TRANK1: variants seen among roughly 807,000 people sequenced by gnomAD.
The protein encoded by TRANK1 is TPR and ankyrin repeat-containing protein 1.
Under a neutral mutation model 266.0 loss-of-function variants are expected in TRANK1, and 198 were observed. The observed-to-expected ratio is 0.74, with a 90% confidence interval of 0.66 to 0.84. The LOEUF is 0.84. TRANK1 is among the 40% of genes least tolerant of loss of function. The probability of loss-of-function intolerance (pLI) is 0.00; values close to 1 mark genes in which losing one functional copy is unlikely to be tolerated. For synonymous variants in TRANK1, 1,396 were observed against 1,384.1 expected (o/e 1.01, Z -0.19); for missense variants, 3,326 against 3,634.6 (o/e 0.92, Z 2.18).
chr3:36,900,098 A>G lies in TRANK1; in HGVS notation c.283-839T>C, dbSNP rs552669653. Among the ~76,000 whole-genome samples the G allele has an allele frequency of 1.6e-3, 245 of 152,320 alleles. 1 individual carries two copies. Among genetic ancestry groups the G allele is most frequent in the African/African-American group, 5.9e-3 (244 of 41,576 alleles). On this transcript the variant is annotated intron_variant, in intron 3 of 23. Coordinates refer to ENST00000645898, the MANE Select transcript of TRANK1 (RefSeq NM_001329998.2). ...TGGTCTTGAACTCCTGGCCTCAAGC[A>G]TCTTCCTGCCTCGGCCTCCCAAACT...
chr3:36,853,925 G>A (rs1358991586), intron 13 of TRANK1, among the ~76,000 whole-genome samples: 1 of 152,126 alleles, frequency 6.6e-6, no homozygotes, highest in Non-Finnish European at 1.5e-5. Flanking sequence ...TTCTGAAAAT[G>A]TTCTAGAATT....
At chr3:36,939,854 T>A (rs2080472294) in intron 1 of TRANK1, among the ~76,000 whole-genome samples, 1 of 152,016 alleles carries the variant, frequency 6.6e-6, no homozygotes. Context: ...AAACTATTAT[T>A]ATTATGTTGA....
At chr3:36,944,754 A>T (rs1051909956) in intron 1 of TRANK1, 33 bp downstream of exon 1, 85 of 1,502,392 alleles carry the variant, frequency 5.7e-5, no homozygotes, top group Non-Finnish European at 7.2e-5. Flanking sequence ...GGAAGGCCAG[A>T]GATGCCCCAG....
chr3:36,903,125 C>T (rs2079908074), intron 3 of TRANK1, 24 bp downstream of exon 3: 4 of 1,534,428 alleles, frequency 2.6e-6, no homozygotes, highest in South Asian at 2.4e-5. Context: ...CATCTCCCCA[C>T]ACCTTCACCC....
intron 5 of TRANK1, among the ~76,000 whole-genome samples, chr3:36,893,529 G>A (rs986850004): frequency 6.6e-6 from 1 of 152,086 alleles, no homozygotes; most frequent in African/African-American, 2.4e-5. Context: ...CTGGAAATTG[G>A]CCATGGTGAG....
intron 1 of TRANK1, among the ~76,000 whole-genome samples, chr3:36,919,541 T>A (rs1465146399): frequency 6.6e-6 from 1 of 152,234 alleles, no homozygotes; most frequent in Non-Finnish European, 1.5e-5. Flanking sequence ...GGCATTTGAA[T>A]TGTTTCCAGT....
At chr3:36,851,394 G>C (rs1029514171) in intron 15 of TRANK1, 110 of 1,078,746 alleles carry the variant, frequency 1.0e-4, no homozygotes, top group Non-Finnish European at 1.2e-4. Context: ...GCTCTCCTTA[G>C]AGCTTGCTCC....
At chr3:36,865,773 A>G (rs1453945197) in intron 9 of TRANK1, among the ~76,000 whole-genome samples, 4 of 152,016 alleles carry the variant, frequency 2.6e-5, no homozygotes, top group Non-Finnish European at 5.9e-5. Context: ...CAAATAAAAT[A>G]CAAAAATTAG....
At chr3:36,852,553 T>C (rs1437735935) in intron 13 of TRANK1, among the ~76,000 whole-genome samples, 1 of 152,114 alleles carries the variant, frequency 6.6e-6, no homozygotes, top group East Asian at 1.9e-4. Context: ...GATATGTTGC[T>C]GTGCTGAGAG....
intron 23 of TRANK1, 33 bp from the exon 24 acceptor site, chr3:36,828,408 G>A (rs2078655107): frequency 1.1e-5 from 8 of 700,570 alleles, no homozygotes; most frequent in Non-Finnish European, 1.7e-5. Context: ...AAGGAAGGAA[G>A]GAAAGAAGGG....
chr3:36,850,491 G>A (rs1211625564), intron 15 of TRANK1: 33 of 985,260 alleles, frequency 3.3e-5, no homozygotes, highest in Admixed American at 1.2e-4. Context: ...TTTATCTACA[G>A]ATAAAGGTGG....
At chr3:36,864,681 A>C (rs114319750) in intron 9 of TRANK1, among the ~76,000 whole-genome samples, 1 of 152,306 alleles carries the variant, frequency 6.6e-6, no homozygotes, top group Non-Finnish European at 1.5e-5. Flanking sequence ...GCTATGACAA[A>C]TAGAATGCAG....
At chr3:36,838,755 G>A in intron 18 of TRANK1, 39 bp from the exon 19 acceptor site, 1 of 1,578,738 alleles carries the variant, frequency 6.3e-7, no homozygotes. Flanking sequence ...GCAAGGTAAT[G>A]GAGGTAACAG....
intron 20 of TRANK1, among the ~76,000 whole-genome samples, chr3:36,836,507 C>T (rs1023245732): frequency 6.6e-6 from 1 of 152,138 alleles, no homozygotes; most frequent in African/African-American, 2.4e-5. Flanking sequence ...ATAGAAGACA[C>T]CACTATTCAT....
rs919599206 is a variant in TRANK1, at chr3:36,858,908, G to T, written c.1496-14C>A. ...CATCAGGCAAGGCTGGGAGAGGAGA[G>T]AAGGGAAGCGCAATGTGAGCAGGCA... On this transcript the variant is annotated splice_polypyrimidine_tract_variant and intron_variant, in intron 11 of 23. Transcript: ENST00000645898. 1 of 1,527,546 alleles carries T rather than the reference G, an allele frequency of 6.5e-7. No homozygotes were observed. The highest frequency in any genetic ancestry group is 2.0e-5 in the Admixed American group (1 of 49,430). 94.6% of individuals were successfully genotyped at this position (1,527,546 alleles called of 1,614,324 possible).
chr3:36,940,164 C>A (rs1575342228), intron 1 of TRANK1, among the ~76,000 whole-genome samples: 1 of 151,846 alleles, frequency 6.6e-6, no homozygotes, highest in Middle Eastern at 3.4e-3. Flanking sequence ...GGATTACAGG[C>A]ATGACCCACC....
At chr3:36,908,289 A>C (rs1015999462) in intron 2 of TRANK1, 34 bp downstream of exon 2, 24 of 1,232,038 alleles carry the variant, frequency 1.9e-5, no homozygotes, top group Non-Finnish European at 1.3e-5. Flanking sequence ...ATGTACTGAA[A>C]AAGAAAAGAT....
intron 1 of TRANK1, among the ~76,000 whole-genome samples, chr3:36,926,827 G>C (rs1412550938): frequency 6.6e-6 from 1 of 152,132 alleles, no homozygotes; most frequent in Non-Finnish European, 1.5e-5. Flanking sequence ...TCGAAACTGG[G>C]CAACTTCTTA....
At chr3:36,905,601 G>A (rs1208377017) in intron 2 of TRANK1, among the ~76,000 whole-genome samples, 8 of 152,164 alleles carry the variant, frequency 5.3e-5, no homozygotes, top group African/African-American at 1.9e-4. Flanking sequence ...TTTTGTTATG[G>A]TAGCGCAAGC....
Sources: gnomAD v4.1 joint callset for allele counts (sites outside exome capture counted in the v4.1 genomes callset) on GRCh38, gnomAD v4.1.1 for gene constraint, MANE v1.5 for transcripts, NCBI Gene and HGNC (gene_info 2026-07-23, HGNC 2026-07-21) for gene names.